Variants in CSF2RB observed in about 807,000 individuals in gnomAD.
The protein encoded by CSF2RB is colony stimulating factor 2 receptor subunit beta, also known as cytokine receptor common subunit beta.
A neutral mutation model predicts 67.2 loss-of-function variants in CSF2RB; 22 were observed. The ratio of observed to expected loss-of-function variants is 0.33; its 90% confidence interval spans 0.23 to 0.47. CSF2RB has a LOEUF of 0.47. CSF2RB is among the 20% of genes least tolerant of loss of function. The pLI is 1.00. For synonymous variants in CSF2RB, 507 were observed against 482.9 expected (o/e 1.05, Z -0.65); for missense variants, 1,113 against 1,174.5 (o/e 0.95, Z 0.76).
chr22:36,917,523 C>G (rs562415366), intron 1 of CSF2RB, among the ~76,000 whole-genome samples: 19 of 152,322 alleles, frequency 1.2e-4, no homozygotes, highest in Non-Finnish European at 1.6e-4. Context: ...CTCTTCCTTT[C>G]TCTGTCCCTC....
chr22:36,935,532 C>T (rs1282934296), intron 11 of CSF2RB, 91 bp downstream of exon 11: 108 of 1,604,610 alleles, frequency 6.7e-5, no homozygotes, highest in East Asian at 2.0e-4. Flanking sequence ...CCTGCTCTGC[C>T]GCTCCCTTCC....
rs149714683 is a variant in CSF2RB at position 36,929,733 on chromosome 22, G to C, written c.644G>C (p.Arg215Pro). 1 of 1,614,138 alleles carries C rather than the reference G, an allele frequency of 6.2e-7. No individual in the cohort carries two copies. The highest frequency in any genetic ancestry group is 8.5e-7 in the Non-Finnish European group (1 of 1,180,020). The change falls in exon 6 of 14, where the codon CGC becomes CCC. Residue 215 changes from arginine to proline, a missense_variant. Coordinates refer to ENST00000403662, the MANE Select transcript of CSF2RB (RefSeq NM_000395.3). ...SSTYVARVRT[R>P]LAPGSRLSGR... Reference sequence around the variant, plus strand: ...ACCTACGTGGCCCGAGTACGGACCCGCCTGGCCCCAGGTTCTCGGCTCTCA... The same window carrying C: ...ACCTACGTGGCCCGAGTACGGACCCCCCTGGCCCCAGGTTCTCGGCTCTCA...
intron 2 of CSF2RB, 106 bp from the exon 3 acceptor site, chr22:36,923,138 C>G (rs1415093726): frequency 3.8e-6 from 6 of 1,569,104 alleles, no homozygotes; most frequent in African/African-American, 2.7e-5. Flanking sequence ...CTGCAGGGAC[C>G]TGGGAGACCC....
At chr22:36,929,847 G>T in intron 6 of CSF2RB, 40 bp downstream of exon 6, 1 of 1,599,560 alleles carries the variant, frequency 6.3e-7, no homozygotes, top group South Asian at 1.1e-5. Context: ...CGTGGTGGGA[G>T]GGCAGGCTCA....
In CSF2RB at chr22:36,930,385, C is replaced by T. The variant is rs368637457; in HGVS notation, c.729C>T (p.Ala243=). The T allele has an allele frequency of 6.2e-7, 1 of 1,613,540 alleles. No individual in the cohort carries two copies. The highest frequency in any genetic ancestry group is 8.5e-7 in the Non-Finnish European group (1 of 1,180,016). ...VCWDSQPGDE[A]QPQNLECFFD... ...CTGTCTCCAACCCAGGGGATGAGGC[C>T]CAGCCCCAGAACCTGGAGTGCTTCT... The change falls in exon 7 of 14, where the codon GCC becomes GCT. Residue 243 remains alanine (A), a synonymous_variant. Coordinates refer to ENST00000403662, the MANE Select transcript of CSF2RB (RefSeq NM_000395.3).
Position 36,926,086 on chromosome 22 carries a change from C to A in CSF2RB, c.300C>A (p.Cys100Ter). Residue 100 changes from cysteine to a stop codon, truncating the protein, a stop_gained, in exon 4 of 14, where the codon TGC becomes TGA. Coordinates refer to ENST00000403662, the MANE Select transcript of CSF2RB (RefSeq NM_000395.3). LOFTEE classifies it high-confidence loss of function. ...RCVPRRCVIP[C>*]QSFVVTDVDY... Reference sequence around the variant, plus strand: ...TGCCCAGGAGATGTGTCATTCCCTGCCAGAGTTTTGTCGTCACTGACGTTG... The same window carrying A: ...TGCCCAGGAGATGTGTCATTCCCTGACAGAGTTTTGTCGTCACTGACGTTG... The A allele has an allele frequency of 1.2e-6, 2 of 1,614,230 alleles. No individual in the cohort carries two copies. Among genetic ancestry groups the A allele is most frequent in the Non-Finnish European group, 1.7e-6 (2 of 1,180,036 alleles).
intron 4 of CSF2RB, among the ~76,000 whole-genome samples, chr22:36,926,939 TGG>T (rs5845307): frequency 6.6e-6 from 1 of 151,916 alleles, no homozygotes; most frequent in Non-Finnish European, 1.5e-5. Context: ...AGGCTGTCAT[TGG>T]GAGTCTCAGA....
At chr22:36,932,049 T>A (rs148894971) in intron 8 of CSF2RB, among the ~76,000 whole-genome samples, 46 of 152,344 alleles carry the variant, frequency 3.0e-4, no homozygotes, top group African/African-American at 1.1e-3. Context: ...TTTCCCTGTT[T>A]GTGAAAAGTG....
Position 36,938,101 on chromosome 22 carries a change from G to A in CSF2RB, c.2293G>A (p.Gly765Ser). ...AGGCCCTGTGAAGTCAGGGTTTGAG[G>A]GCTATGTGGAGCTCCCTCCAATTGA... ...APGPVKSGFEGYVELPPIEGR... is the reference protein window; with the variant it reads ...APGPVKSGFESYVELPPIEGR... Residue 765 changes from glycine to serine, a missense_variant, in exon 14 of 14, where the codon GGC (glycine) becomes AGC (serine). Coordinates refer to ENST00000403662, the MANE Select transcript of CSF2RB (RefSeq NM_000395.3). 6.2e-7 allele frequency: 1 copy of A among 1,614,078 alleles called. No individual in the cohort carries two copies. The highest frequency in any genetic ancestry group is 8.5e-7 in the Non-Finnish European group (1 of 1,179,986).
chr22:36,939,525 T>C lies in CSF2RB; in HGVS notation c.*1023T>C. 1 of 352,734 alleles carries C rather than the reference T, an allele frequency of 2.8e-6. No individual in the cohort carries two copies. Among genetic ancestry groups the C allele is most frequent in the Non-Finnish European group, 5.2e-6 (1 of 190,512 alleles). The allele number at this position is 352,734 out of a possible 1,614,324, so 21.9% of individuals were successfully genotyped here. Reference sequence around the variant, plus strand: ...CCAGGGATTATGGTTCTTTTAAATCTTTGCCTTTCAGATACAGGAAAAATA... The same window carrying C: ...CCAGGGATTATGGTTCTTTTAAATCCTTGCCTTTCAGATACAGGAAAAATA... On this transcript the variant is annotated 3_prime_UTR_variant, in exon 14 of 14. Transcript: ENST00000403662.
chr22:36,938,334 G>A lies in CSF2RB; in HGVS notation c.2526G>A (p.Pro842=), dbSNP rs75527703. ...PLSLRSKPSS[P]GPGPEIKNLD... ...CGCTCCGGAGTAAACCTTCTTCCCC[G>A]GGACCCGGTCCTGAGATCAAGAACC... is the stretch of plus-strand genomic sequence containing the variant. The change falls in exon 14 of 14, where the codon CCG becomes CCA. Residue 842 remains proline, a synonymous_variant. Transcript: ENST00000403662. 3,734 of 1,614,130 alleles carry A rather than the reference G, an allele frequency of 2.3e-3. 8 individuals are homozygous for A. The highest frequency in any genetic ancestry group is 2.2e-3 in the Non-Finnish European group (2,538 of 1,180,000).
intron 3 of CSF2RB, among the ~76,000 whole-genome samples, chr22:36,924,835 CCT>C (rs754063054): frequency 5.8e-4 from 88 of 152,284 alleles, no homozygotes; most frequent in Admixed American, 1.5e-3. Flanking sequence ...TGCCCATCCT[CCT>C]CTTTCTCCTT....
At chr22:36,926,227 G>A (rs748164035) in intron 4 of CSF2RB, 50 bp downstream of exon 4, 13 of 1,576,508 alleles carry the variant, frequency 8.2e-6, no homozygotes, top group South Asian at 4.4e-5. Context: ...TGTGGACAGC[G>A]GGGGCACCAG....
chr22:36,936,155 C>A (rs1471317161), intron 12 of CSF2RB, among the ~76,000 whole-genome samples: 1 of 152,012 alleles, frequency 6.6e-6, no homozygotes. Context: ...AGGCTGGGGG[C>A]CATGTTGGGA....
At chr22:36,930,575 G>A in intron 7 of CSF2RB, 65 bp downstream of exon 7, 3 of 1,611,034 alleles carry the variant, frequency 1.9e-6, no homozygotes, top group Non-Finnish European at 2.5e-6. Context: ...GCTTCCTCCT[G>A]TCCCTGGGGC....
chr22:36,938,973 A>G lies in CSF2RB; in HGVS notation c.*471A>G, dbSNP rs374023596. On this transcript the variant is annotated 3_prime_UTR_variant, in exon 14 of 14. Transcript: ENST00000403662. ...CCCGGCAGTCGCTGATGCACATGAC[A>G]TGATTCTCATCTGGGTGCAGAGGTG... 4 of 608,236 alleles carry G rather than the reference A, an allele frequency of 6.6e-6. No individual in the cohort carries two copies. In the South Asian group the frequency reaches 7.6e-5, roughly 12 times the overall value. 37.7% of individuals were successfully genotyped at this position (608,236 alleles called of 1,614,324 possible).
intron 8 of CSF2RB, among the ~76,000 whole-genome samples, chr22:36,931,246 G>A (rs766194350): frequency 6.6e-5 from 10 of 152,182 alleles, no homozygotes; most frequent in Non-Finnish European, 1.2e-4. Context: ...TGGAGCCTGT[G>A]GTGTGTACAA....
chr22:36,929,524 G>A lies in CSF2RB; in HGVS notation c.514G>A (p.Glu172Lys), dbSNP rs766898007. The part of the protein sequence containing the change: ...HWLSPGDLEF[E>K]VVYKRLQDSW... ...GTTGTCCCCAGGGGATCTGGAGTTT[G>A]AGGTGGTCTACAAGCGGCTTCAGGA... is the stretch of plus-strand genomic sequence containing the variant. The change falls in exon 5 of 14, where the codon GAG becomes AAG. Residue 172 changes from glutamate to lysine, a missense_variant. Glu to Lys is a moderately conservative substitution (Grantham distance 56). This residue lies in a region of CSF2RB where 559 missense variants were observed against 656.5 expected (regional missense o/e 0.85). Transcript: ENST00000403662. 1.2e-6 allele frequency: 2 copies of A among 1,614,178 alleles called. No homozygotes were observed. The highest frequency in any genetic ancestry group is 3.3e-5 in the Admixed American group (2 of 60,028).
At chr22:36,922,358 T>G (rs1940897531) in intron 2 of CSF2RB, 75 bp downstream of exon 2, 2 of 1,372,746 alleles carry the variant, frequency 1.5e-6, no homozygotes, top group East Asian at 2.5e-5. Flanking sequence ...CCGCAGCGTA[T>G]CCTCAGGATC....
Sources: gnomAD v4.1 joint callset for allele counts (sites outside exome capture counted in the v4.1 genomes callset) on GRCh38, gnomAD v4.1.1 for gene constraint, gnomAD v4.1.1 regional missense constraint, MANE v1.5 for transcripts, NCBI Gene and HGNC (gene_info 2026-07-23, HGNC 2026-07-21) for gene names.